NRXN3: variants seen among roughly 807,000 people sequenced by gnomAD.
The protein encoded by NRXN3 is neurexin III.
NRXN3 carries 32 observed loss-of-function variants against 137.6 expected under a neutral mutation model. The ratio of observed to expected loss-of-function variants is 0.23; its 90% confidence interval spans 0.18 to 0.31. The LOEUF (loss-of-function observed/expected upper bound fraction) is 0.31, where lower values mean the gene tolerates loss of function less well. Ranked by LOEUF, NRXN3 falls within the 10% of genes least tolerant of loss-of-function variation. The pLI is 1.00. For synonymous variants in NRXN3, 798 were observed against 784.5 expected (o/e 1.02, Z -0.29); for missense variants, 1,574 against 2,062.5 (o/e 0.76, Z 4.59).
At position 79,094,973 on chromosome 14, in the gene NRXN3, A is replaced by AGTGTGTGT. The variant is rs1442448952; in HGVS notation, c.3262+106833_3262+106834insTGTGTGTG. On this transcript the variant is annotated intron_variant, in intron 15 of 20. Coordinates refer to ENST00000335750, the MANE Select transcript of NRXN3 (RefSeq NM_001330195.2). ...AAGAGAGAGAGAGAGAGAGAGAGAG[A>AGTGTGTGT]GAGAGAGTGTGTGTGTGTGTGTGTG... Among the ~76,000 whole-genome samples, 922 of 94,598 alleles carry AGTGTGTGT rather than the reference A, an allele frequency of 9.7e-3. 6 individuals carry two copies. Among genetic ancestry groups the AGTGTGTGT allele is most frequent in the African/African-American group, 0.034 (890 of 26,038 alleles). The allele number at this position is 94,598 out of a possible 152,430, so 62.1% of individuals were successfully genotyped here. A position where few individuals can be genotyped will look rare whatever the true frequency, so the allele number is the denominator to read the frequency against.
rs556345670 is a variant in NRXN3 at position 79,140,907 on chromosome 14, A to C, written c.3262+152766A>C. ...GGTGGATTCTTGTGTGTCCTGAATA[A>C]ACATACAAACACATAGAAACACACA... On this transcript the variant is annotated intron_variant, in intron 15 of 20. Coordinates refer to ENST00000335750, the MANE Select transcript of NRXN3 (RefSeq NM_001330195.2). Among the ~76,000 whole-genome samples the C allele has an allele frequency of 3.3e-5, 5 of 152,298 alleles. No individual in the cohort carries two copies. The South Asian group carries it at 1.0e-3, about 32-fold the overall frequency.
chr14:79,508,390 A>ATTTTTTCTTTTTTTTTT (rs2096898702), intron 16 of NRXN3, among the ~76,000 whole-genome samples: 1 of 48,240 alleles, frequency 2.1e-5, no homozygotes, highest in East Asian at 9.0e-4. Flanking sequence ...ACAATAACTG[A>ATTTTTTCTTTTTTTTTT]TTTTTTTTTT....
intron 3 of NRXN3, among the ~76,000 whole-genome samples, chr14:78,294,590 C>T (rs969389804): frequency 1.3e-5 from 2 of 149,866 alleles, no homozygotes; most frequent in Non-Finnish European, 3.0e-5. Context: ...GAAAAAGCTC[C>T]TATGTGTAGG....
chr14:79,297,057 C>A (rs935517103), intron 15 of NRXN3, among the ~76,000 whole-genome samples: 2 of 152,206 alleles, frequency 1.3e-5, no homozygotes, highest in Non-Finnish European at 2.9e-5. Context: ...ATCCTCACTT[C>A]TTCCTTTGAT....
chr14:78,577,506 C>G lies in NRXN3; in HGVS notation c.758-67614C>G, dbSNP rs1253518341. Among the ~76,000 whole-genome samples, 3 of 151,970 alleles carry G rather than the reference C, an allele frequency of 2.0e-5. No homozygotes were observed. In the East Asian group the frequency reaches 5.8e-4, roughly 29 times the overall value. On this transcript the variant is annotated intron_variant, in intron 4 of 20. Transcript: ENST00000335750. ...TTGCGATGGAGTTTTGCTCTTGTTG[C>G]CCAGGTTGGAGTGCAATGGCACGAT...
At chr14:79,267,834 A>G (rs1665250118) in intron 15 of NRXN3, among the ~76,000 whole-genome samples, 1 of 152,192 alleles carries the variant, frequency 6.6e-6, no homozygotes, top group South Asian at 2.1e-4. Context: ...ATTGACGTAG[A>G]CTGGTATGAC....
chr14:78,654,452 A>G (rs1195559863), intron 6 of NRXN3, among the ~76,000 whole-genome samples: 1 of 152,196 alleles, frequency 6.6e-6, no homozygotes, highest in Non-Finnish European at 1.5e-5. Flanking sequence ...CAGATCATCA[A>G]TATTTCTTTG....
intron 20 of NRXN3, among the ~76,000 whole-genome samples, chr14:79,829,020 C>A (rs1468670476): frequency 1.3e-5 from 2 of 152,172 alleles, no homozygotes; most frequent in Non-Finnish European, 2.9e-5. Flanking sequence ...ATTCCTTCTT[C>A]CTCACCATCA....
At chr14:79,470,171 G>T (rs1413887561) in intron 16 of NRXN3, among the ~76,000 whole-genome samples, 1 of 152,170 alleles carries the variant, frequency 6.6e-6, no homozygotes. Flanking sequence ...CTTACAGTTT[G>T]CCTAGAAGAG....
At chr14:79,363,421 G>A (rs1247107211) in intron 15 of NRXN3, among the ~76,000 whole-genome samples, 2 of 151,954 alleles carry the variant, frequency 1.3e-5, no homozygotes, top group African/African-American at 2.4e-5. Context: ...ATATTCTTCC[G>A]CATCCTTCTT....
In NRXN3 at chr14:79,170,611, C is replaced by CT. The variant is rs201810443; in HGVS notation, c.3262+182478dup. On this transcript the variant is annotated intron_variant, in intron 15 of 20. Transcript: ENST00000335750. The stretch of plus-strand genomic sequence containing the variant: ...AAAGTACAGGGAAAATACATCTCTA[C>CT]TTTTTTTTGTTGTTGTTGGGGCAGG... Among the ~76,000 whole-genome samples, 243 of 151,986 alleles carry CT rather than the reference C, an allele frequency of 1.6e-3. 1 individual carries two copies. Among genetic ancestry groups the CT allele is most frequent in the African/African-American group, 5.6e-3 (233 of 41,492 alleles).
At chr14:78,180,563 G>A (rs1351838092) in intron 1 of NRXN3, among the ~76,000 whole-genome samples, 1 of 152,210 alleles carries the variant, frequency 6.6e-6, no homozygotes, top group Non-Finnish European at 1.5e-5. Context: ...CGCAGAGTTG[G>A]TAAATGGTGG....
intron 4 of NRXN3, among the ~76,000 whole-genome samples, chr14:78,324,061 A>G (rs2079733269): frequency 6.6e-6 from 1 of 152,128 alleles, no homozygotes; most frequent in Non-Finnish European, 1.5e-5. Flanking sequence ...GAACAGGGTC[A>G]GGGATTGAGA....
At chr14:79,411,034 C>T (rs2095410906) in intron 15 of NRXN3, among the ~76,000 whole-genome samples, 1 of 152,014 alleles carries the variant, frequency 6.6e-6, no homozygotes, top group Admixed American at 6.6e-5. Context: ...TTCTCTAACC[C>T]CATAGTTCAT....
At position 78,304,490 on chromosome 14, in the gene NRXN3, A is replaced by G. The variant is rs17107292; in HGVS notation, c.757+6630A>G. Among the ~76,000 whole-genome samples, 1,173 of 152,318 alleles carry G rather than the reference A, an allele frequency of 7.7e-3. 12 individuals carry two copies. Among genetic ancestry groups the G allele is most frequent in the African/African-American group, 0.027 (1,130 of 41,572 alleles). ...CAGGACATGGCCAGAAACAAGCGTG[A>G]ACTTACCTAGAAGTGGCTCACACAG... On this transcript the variant is annotated intron_variant, in intron 4 of 20. Transcript: ENST00000335750.
At chr14:79,025,566 C>T (rs1173136247) in intron 15 of NRXN3, among the ~76,000 whole-genome samples, 7 of 152,138 alleles carry the variant, frequency 4.6e-5, no homozygotes, top group African/African-American at 1.7e-4. Context: ...TTCCCTCTAC[C>T]GTGAAATTTA....
chr14:79,436,816 A>G lies in NRXN3; in HGVS notation c.3263-30405A>G, dbSNP rs367885785. Among the ~76,000 whole-genome samples, 17 of 152,056 alleles carry G rather than the reference A, an allele frequency of 1.1e-4. No individual in the cohort carries two copies. The East Asian group carries it at 3.1e-3, about 28-fold the overall frequency. On this transcript the variant is annotated intron_variant, in intron 15 of 20. Transcript: ENST00000335750. The stretch of plus-strand genomic sequence containing the variant: ...GGATTAAGTCCTCTCTGTTCCACCA[A>G]CCCTGCTTTTAAAATTTCTTCTCTG...
chr14:79,634,104 T>A (rs548866155), intron 16 of NRXN3, among the ~76,000 whole-genome samples: 1 of 152,252 alleles, frequency 6.6e-6, no homozygotes, highest in African/African-American at 2.4e-5. Flanking sequence ...AAGAAATGAT[T>A]TTTCTACGGA....
intron 4 of NRXN3, among the ~76,000 whole-genome samples, chr14:78,544,651 T>C (rs2096621758): frequency 6.6e-6 from 1 of 152,236 alleles, no homozygotes; most frequent in Non-Finnish European, 1.5e-5. Context: ...CCATAGTTAA[T>C]AGACTGAAAT....
Sources: allele counts gnomAD v4.1 joint callset (sites outside exome capture counted in the v4.1 genomes callset), GRCh38; gene constraint gnomAD v4.1.1; transcripts MANE v1.5; gene names NCBI Gene and HGNC (gene_info 2026-07-23, HGNC 2026-07-21).